The following CEP170B variants were observed in gnomAD, a reference collection of about 807,000 sequenced individuals.
CEP170B encodes centrosomal protein 170B.
CEP170B carries 55 observed loss-of-function variants against 120.6 expected under a neutral mutation model. The observed-to-expected ratio is 0.46, with a 90% confidence interval of 0.37 to 0.57. CEP170B has a LOEUF of 0.57. CEP170B is among the 20% of genes least tolerant of loss of function. CEP170B has a pLI of 0.00. For missense variants in CEP170B, 2,212 were observed against 2,253.3 expected, an observed-to-expected ratio of 0.98 and a Z score of 0.37; for synonymous variants, 1,033 against 954.5, an observed-to-expected ratio of 1.08 and a Z score of -1.52.
intron 4 of CEP170B, 50 bp downstream of exon 4, chr14:104,878,013 G>T: frequency 7.1e-7 from 1 of 1,410,818 alleles, no homozygotes; most frequent in Non-Finnish European, 9.9e-7. Flanking sequence ...TCAGTCCCCA[G>T]GACCACAGTC....
chr14:104,888,675 T>C (rs1389171763), intron 12 of CEP170B, among the ~76,000 whole-genome samples: 2 of 152,160 alleles, frequency 1.3e-5, no homozygotes, highest in Non-Finnish European at 2.9e-5. Flanking sequence ...AGTGGATTGG[T>C]TTGAGGTCAA....
At chr14:104,869,445 C>A (rs1595305860) in intron 2 of CEP170B, among the ~76,000 whole-genome samples, 1 of 152,186 alleles carries the variant, frequency 6.6e-6, no homozygotes, top group East Asian at 1.9e-4. Flanking sequence ...ACGAGGTGGG[C>A]AGGCCTCAGG....
Position 104,884,344 on chromosome 14 carries a change from T to C in CEP170B, c.1565T>C (p.Val522Ala). Reference sequence around the variant, plus strand: ...GCCGCCCGGCCCAGCCCCGAGAAGGTTCCTCCGGTGCTGCCCGCTCCCCTG... The same window carrying C: ...GCCGCCCGGCCCAGCCCCGAGAAGGCTCCTCCGGTGCTGCCCGCTCCCCTG... ...SPAARPSPEK[V>A]PPVLPAPLTP... is the part of the protein sequence containing the mutation. Residue 522 changes from valine to alanine, a missense_variant, in exon 9 of 19, where the codon GTT becomes GCT. This residue lies in a region of CEP170B where 2,166 missense variants were observed against 2,166.7 expected (regional missense o/e 1.00). Transcript: ENST00000414716. 6.5e-7 allele frequency: 1 copy of C among 1,543,296 alleles called. No homozygotes were observed. The highest frequency in any genetic ancestry group is 2.5e-5 in the East Asian group (1 of 40,706).
chr14:104,894,796 G>C lies in CEP170B; in HGVS notation c.4503G>C (p.Leu1501=). 6.2e-7 allele frequency: 1 copy of C among 1,607,986 alleles called. No individual in the cohort carries two copies. The highest frequency in any genetic ancestry group is 8.5e-7 in the Non-Finnish European group (1 of 1,179,146). The part of the protein sequence containing the change: ...RSLASSAQPG[L]GKGRVAAQSP... ...TGGCCAGCTCTGCACAGCCGGGGCT[G>C]GGGAAGGGCCGCGTGGCTGCCCAGA... Residue 1501 remains leucine (L), a synonymous_variant, in exon 19 of 19, where the codon CTG becomes CTC. Transcript: ENST00000414716.
intron 16 of CEP170B, 138 bp downstream of exon 16, chr14:104,893,987 G>A (rs1347666618): frequency 3.6e-6 from 3 of 828,618 alleles, no homozygotes; most frequent in African/African-American, 1.7e-5. Flanking sequence ...CCTCCCGTGT[G>A]CACGTGTATG....
intron 1 of CEP170B, among the ~76,000 whole-genome samples, chr14:104,866,139 C>G (rs929508936): frequency 6.6e-6 from 1 of 152,224 alleles, no homozygotes; most frequent in East Asian, 1.9e-4. Flanking sequence ...CGATGGCCAG[C>G]CCAGCCCCGA....
In CEP170B at chr14:104,872,497, TGTGC is replaced by T. The variant is rs951007572; in HGVS notation, c.106-3755_106-3752del. Among the ~76,000 whole-genome samples the T allele has an allele frequency of 6.1e-4, 67 of 110,190 alleles. 12 individuals are homozygous for T. The Admixed American group carries it at 6.5e-3, about 11-fold the overall frequency. 72.3% of individuals were successfully genotyped at this position (110,190 alleles called of 152,430 possible). On this transcript the variant is annotated intron_variant, in intron 2 of 18. Transcript: ENST00000414716. ...TGTGTGTGCGTGTGTGCCGTGTGTG[TGTGC>T]GTGTGTAAGTGTGCATGTGCATACA...
At chr14:104,880,532 G>A (rs12050087) in intron 6 of CEP170B, 107 bp downstream of exon 6, 49,898 of 1,472,130 alleles carry the variant, frequency 0.034, 994 homozygotes, top group Middle Eastern at 0.063. Flanking sequence ...CATATACCAT[G>A]TACACCCATA....
In CEP170B at chr14:104,870,303, A is replaced by G. The variant is rs896905629; in HGVS notation, c.105+1748A>G. 1.3e-5 allele frequency among the ~76,000 whole-genome samples: 2 copies of G among 152,170 alleles called. No individual in the cohort carries two copies. Among genetic ancestry groups the G allele is most frequent in the African/African-American group, 2.4e-5 (1 of 41,424 alleles). The stretch of plus-strand genomic sequence containing the variant: ...TCATGTGTCATGAAATAGCCTTTTG[A>G]TGATTTTCAATCATTTAAAAGTGTA... On this transcript the variant is annotated intron_variant, in intron 2 of 18. Coordinates refer to ENST00000414716, the MANE Select transcript of CEP170B (RefSeq NM_001112726.3). The surrounding 1 kb of genome is among the most constrained non-coding windows in gnomAD (Gnocchi z 4.1).
Position 104,893,565 on chromosome 14 carries a change from G to A in CEP170B, c.4081G>A (p.Val1361Met). The A allele has an allele frequency of 6.2e-7, 1 of 1,605,576 alleles. No homozygotes were observed. The highest frequency in any genetic ancestry group is 2.2e-5 in the East Asian group (1 of 44,590). ...CGAGGCCAGCCTCAACTTCCAGAAGGTGCCGCCCGGCTCGCTGAACTCTCG... is the reference window on the plus strand; with the variant it reads ...CGAGGCCAGCCTCAACTTCCAGAAGATGCCGCCCGGCTCGCTGAACTCTCG... ...IPEASLNFQK[V>M]PPGSLNSRDF... Residue 1361 changes from valine to methionine, a missense_variant, in exon 15 of 19, where the codon GTG becomes ATG. Physicochemically the swap from Val to Met is conservative, Grantham distance 21 (BLOSUM62 1). Transcript: ENST00000414716.
At chr14:104,882,953 G>A (rs866746320) in intron 7 of CEP170B, 82 bp from the exon 8 acceptor site, 1 of 1,456,362 alleles carries the variant, frequency 6.9e-7, no homozygotes, top group African/African-American at 1.4e-5. Context: ...CCCCTCTTGG[G>A]TGGAGTGGAT....
chr14:104,876,193 T>A (rs1037363151), intron 2 of CEP170B, 63 bp from the exon 3 acceptor site: 1 of 1,479,158 alleles, frequency 6.8e-7, no homozygotes, highest in Non-Finnish European at 9.2e-7. Flanking sequence ...CAGGGGTGCC[T>A]CTGCCTCTTG....
At position 104,885,477 on chromosome 14, in the gene CEP170B, C is replaced by G. The variant is rs766116440; in HGVS notation, c.1879C>G (p.Arg627Gly). The stretch of plus-strand genomic sequence containing the variant: ...GTCTGATGACGGGGGCGTGGCCCAG[C>G]GGATGGCGCTACTGCAGGAGTTTGC... ...DESDDGGVAQ[R>G]MALLQEFASR... Residue 627 changes from arginine to glycine, a missense_variant, in exon 10 of 19, where the codon CGG (arginine) becomes GGG (glycine). Transcript: ENST00000414716. 6.4e-7 allele frequency: 1 copy of G among 1,562,988 alleles called. No individual in the cohort carries two copies. The highest frequency in any genetic ancestry group is 8.7e-7 in the Non-Finnish European group (1 of 1,155,274).
At chr14:104,874,668 C>T (rs994294923) in intron 2 of CEP170B, among the ~76,000 whole-genome samples, 1 of 152,030 alleles carries the variant, frequency 6.6e-6, no homozygotes, top group Non-Finnish European at 1.5e-5. Context: ...TCCCTGCCCC[C>T]GGTCCTCCAC....
rs1353783463 is a variant in CEP170B, at chr14:104,883,492, C to T, written c.1035C>T (p.His345=). 53 of 1,546,806 alleles carry T rather than the reference C, an allele frequency of 3.4e-5. No individual in the cohort carries two copies. The highest frequency in any genetic ancestry group is 4.5e-5 in the Non-Finnish European group (51 of 1,144,450). Residue 345 remains histidine, a synonymous_variant, in exon 8 of 19, where the codon CAC becomes CAT. Coordinates refer to ENST00000414716, the MANE Select transcript of CEP170B (RefSeq NM_001112726.3). ...RHSTKSDLPV[H]TRTLKGHKHE... Reference sequence around the variant, plus strand: ...GCACCAAGAGCGACCTGCCTGTCCACACCCGCACCCTGAAGGGTGAGTGCC... The same window carrying T: ...GCACCAAGAGCGACCTGCCTGTCCATACCCGCACCCTGAAGGGTGAGTGCC...
At chr14:104,872,417 GGTGTGCCGTGC>G (rs1185764875) in intron 2 of CEP170B, among the ~76,000 whole-genome samples, 1 of 54,612 alleles carries the variant, frequency 1.8e-5, no homozygotes, top group East Asian at 2.9e-4. Flanking sequence ...GTGTGCCGTG[GGTGTGCCGTGC>G]GTGTGTGCGT....
rs934263733 is a variant in CEP170B, at chr14:104,870,894, T to C, written c.105+2339T>C. On this transcript the variant is annotated intron_variant, in intron 2 of 18. Transcript: ENST00000414716. The surrounding 1 kb of genome is among the most constrained non-coding windows in gnomAD (Gnocchi z 4.1). ...AGGTGTGGCGAGTGTGGGAAGGCTG[T>C]CTGCCTCCCGGTGCCCCTGCAGCGG... Among the ~76,000 whole-genome samples, 2 of 152,012 alleles carry C rather than the reference T, an allele frequency of 1.3e-5. No homozygotes were observed. The highest frequency in any genetic ancestry group is 4.8e-5 in the African/African-American group (2 of 41,370).
In CEP170B at chr14:104,882,578, A is replaced by G. The variant is rs1055663158; in HGVS notation, c.473-150A>G. On this transcript the variant is annotated intron_variant, in intron 6 of 18. Coordinates refer to ENST00000414716, the MANE Select transcript of CEP170B (RefSeq NM_001112726.3). ...ACTCAAGGTAGTCAACATTCCCCAC[A>G]GAGGCGGGGCCCTGGGCTGCCACAG... The G allele has an allele frequency of 2.4e-5, 14 of 585,268 alleles. No homozygotes were observed. The Admixed American group carries it at 3.3e-4, about 14-fold the overall frequency. The allele number at this position is 585,268 out of a possible 1,614,324, so 36.3% of individuals were successfully genotyped here.
chr14:104,881,262 A>G (rs1299520298), intron 6 of CEP170B, among the ~76,000 whole-genome samples: 2 of 152,050 alleles, frequency 1.3e-5, no homozygotes, highest in Non-Finnish European at 2.9e-5. Context: ...CGAGAGTGAG[A>G]AAGTGCCTGG....
Sources: allele counts gnomAD v4.1 joint callset (sites outside exome capture counted in the v4.1 genomes callset), GRCh38; gene constraint gnomAD v4.1.1; regional missense constraint gnomAD v4.1.1; non-coding constraint Gnocchi (gnomAD v3.1); transcripts MANE v1.5; gene names NCBI Gene and HGNC (gene_info 2026-07-23, HGNC 2026-07-21).